The following EYS variants were observed in gnomAD, a reference collection of about 807,000 sequenced individuals.
The protein encoded by EYS is EGF-like photoreceptor maintenance factor.
Under a neutral mutation model 282.1 loss-of-function variants are expected in EYS, and 250 were observed. The ratio of observed to expected loss-of-function variants is 0.89; its 90% CI spans 0.80 to 0.98. EYS has a LOEUF of 0.98. Among genes scored for constraint, EYS ranks in the 50% least tolerant of loss-of-function variants. The pLI, the probability that EYS is intolerant of heterozygous loss-of-function variation, is 0.00. For missense variants in EYS, 4,016 were observed against 3,709.0 expected, an observed-to-expected ratio of 1.08 and a Z score of -2.15; for synonymous variants, 1,355 against 1,282.9, an observed-to-expected ratio of 1.06 and a Z score of -1.20.
intron 2 of EYS, among the ~76,000 whole-genome samples, chr6:65,609,698 C>A (rs1488194221): frequency 6.6e-6 from 1 of 152,036 alleles, no homozygotes; most frequent in Non-Finnish European, 1.5e-5. Context: ...GCAGACAAAA[C>A]CAATGACAAA....
intron 26 of EYS, among the ~76,000 whole-genome samples, chr6:64,479,221 G>T (rs778572418): frequency 2.0e-5 from 3 of 151,878 alleles, no homozygotes; most frequent in Non-Finnish European, 4.4e-5. Flanking sequence ...ATAAGCTGTT[G>T]TCTGAACTAT....
intron 12 of EYS, among the ~76,000 whole-genome samples, chr6:65,074,468 C>T (rs1773988265): frequency 6.6e-6 from 1 of 151,948 alleles, no homozygotes; most frequent in Admixed American, 6.6e-5. Context: ...TAAATATGAA[C>T]GTCTCTGAGT....
intron 24 of EYS, among the ~76,000 whole-genome samples, chr6:64,609,960 T>C (rs1767056586): frequency 6.6e-6 from 1 of 151,568 alleles, no homozygotes; most frequent in Non-Finnish European, 1.5e-5. Context: ...TAAAAATAAA[T>C]GGATATTGCA....
intron 22 of EYS, among the ~76,000 whole-genome samples, chr6:64,801,349 TATC>T (rs1369497899): frequency 6.6e-6 from 1 of 152,176 alleles, no homozygotes; most frequent in Non-Finnish European, 1.5e-5. Context: ...TTAAAAACCA[TATC>T]ATTCTAAGAA....
chr6:64,577,666 C>T (rs1414733081), intron 26 of EYS, among the ~76,000 whole-genome samples: 2 of 152,060 alleles, frequency 1.3e-5, no homozygotes, highest in East Asian at 1.9e-4. Flanking sequence ...CAACACTAAA[C>T]ATATATTTTA....
intron 13 of EYS, among the ~76,000 whole-genome samples, chr6:65,000,637 G>T (rs966231681): frequency 1.3e-5 from 2 of 152,116 alleles, no homozygotes; most frequent in Non-Finnish European, 2.9e-5. Context: ...AATTAGCCGG[G>T]CTTGGTGGCA....
Position 65,495,190 on chromosome 6 carries a change from AC to A in EYS, c.220del (p.Val74PhefsTer11), listed in dbSNP as rs1375767063. 7 of 1,614,058 alleles carry A rather than the reference AC, an allele frequency of 4.3e-6. No individual in the cohort carries two copies. The African/African-American group carries it at 9.3e-5, about 22-fold the overall frequency. On this transcript the variant is annotated frameshift_variant, in exon 4 of 43. Transcript: ENST00000503581. LOFTEE classifies it high-confidence loss of function. ...AATTTGCAAAGGGCAAATCTGGGGA[AC>A]AGCTTGATTGCCTGAAGTATCTATT... ...TKIDTSGNQA[V>X]PQICPLQIQL...
rs761782854 is a variant in EYS at position 63,913,343 on chromosome 6, T to C, written c.7056-48985A>G. Among the ~76,000 whole-genome samples, 84 of 152,236 alleles carry C rather than the reference T, an allele frequency of 5.5e-4. 1 individual carries two copies. The highest frequency in any genetic ancestry group is 2.9e-4 in the Non-Finnish European group (20 of 68,050). On this transcript the variant is annotated intron_variant, in intron 35 of 42. Transcript: ENST00000503581. ...ATATATGTGCTAACAATTATTGAGA[T>C]AGAATTTATATACAATAAAATTCAC...
intron 31 of EYS, among the ~76,000 whole-genome samples, chr6:64,120,837 TCA>T (rs1158184794): frequency 3.3e-5 from 5 of 152,210 alleles, no homozygotes; most frequent in Non-Finnish European, 7.4e-5. Context: ...ATTTATTCTT[TCA>T]CAGTTTCCAT....
chr6:64,296,851 T>C (rs987466509), intron 30 of EYS, among the ~76,000 whole-genome samples: 37 of 152,188 alleles, frequency 2.4e-4, no homozygotes, highest in Non-Finnish European at 2.6e-4. Context: ...GTGATCCAAC[T>C]GCCTGGGCCT....
chr6:64,850,894 A>T (rs1222229645), intron 19 of EYS, among the ~76,000 whole-genome samples: 1 of 152,112 alleles, frequency 6.6e-6, no homozygotes, highest in African/African-American at 2.4e-5. Context: ...ATTTTATTGT[A>T]AATTTAATAT....
chr6:64,482,059 C>T (rs1212929266), intron 26 of EYS, among the ~76,000 whole-genome samples: 1 of 151,706 alleles, frequency 6.6e-6, no homozygotes, highest in African/African-American at 2.4e-5. Flanking sequence ...AAGTCTCTTT[C>T]CATAGCACAT....
chr6:65,148,249 T>A (rs1457917832), intron 12 of EYS, among the ~76,000 whole-genome samples: 1 of 152,114 alleles, frequency 6.6e-6, no homozygotes, highest in Non-Finnish European at 1.5e-5. Flanking sequence ...TATGAGCCTG[T>A]AAAATCAAAT....
chr6:64,377,084 A>AATAGATAGATAGATAGATAG (rs745336445), intron 29 of EYS, among the ~76,000 whole-genome samples: 27 of 151,990 alleles, frequency 1.8e-4, no homozygotes, highest in African/African-American at 6.5e-4. Context: ...TAGCTGGATG[A>AATAGATAGATAGATAGATAG]ATAGATAGAT....
At chr6:63,915,303 G>A (rs543510326) in intron 35 of EYS, among the ~76,000 whole-genome samples, 12 of 152,142 alleles carry the variant, frequency 7.9e-5, no homozygotes, top group Non-Finnish European at 1.8e-4. Context: ...AATGAAGCCT[G>A]ATGATAGCAC....
At chr6:65,705,343 G>T (rs574577661) in intron 1 of EYS, among the ~76,000 whole-genome samples, 1 of 152,248 alleles carries the variant, frequency 6.6e-6, no homozygotes, top group East Asian at 1.9e-4. Context: ...CGTACTCAGG[G>T]CTTGTTGGCC....
intron 22 of EYS, among the ~76,000 whole-genome samples, chr6:64,734,457 T>A (rs1363534051): frequency 6.6e-6 from 1 of 152,146 alleles, no homozygotes; most frequent in Non-Finnish European, 1.5e-5. Flanking sequence ...TTTGATGTGA[T>A]TTTTTCCACT....
intron 30 of EYS, among the ~76,000 whole-genome samples, chr6:64,291,781 GAT>G (rs1768718998): frequency 6.6e-6 from 1 of 151,990 alleles, no homozygotes; most frequent in Non-Finnish European, 1.5e-5. Flanking sequence ...AAATAAAGTA[GAT>G]ACTTTAAAAA....
chr6:65,437,306 G>GT (rs11448161), intron 5 of EYS, among the ~76,000 whole-genome samples: 15,964 of 152,054 alleles, frequency 0.1, 1,126 homozygotes, highest in South Asian at 0.19. Flanking sequence ...ATATATTAGT[G>GT]TTTTTTAATG....
Sources: gnomAD v4.1 joint callset for allele counts (sites outside exome capture counted in the v4.1 genomes callset) on GRCh38, gnomAD v4.1.1 for gene constraint, MANE v1.5 for transcripts, NCBI Gene and HGNC (gene_info 2026-07-23, HGNC 2026-07-21) for gene names.